APBA1: variants seen among roughly 807,000 people sequenced by gnomAD.
APBA1 encodes the protein amyloid beta precursor protein binding family A member 1.
APBA1 carries 55 observed loss-of-function variants against 86.6 expected under a neutral mutation model. That is an observed-to-expected ratio of 0.64 (90% CI 0.51 to 0.80). APBA1 has a LOEUF of 0.80. Ranked by LOEUF, APBA1 falls within the 30% of genes least tolerant of loss-of-function variation. The probability of loss-of-function intolerance (pLI) is 0.00; values close to 1 mark genes in which losing one functional copy is unlikely to be tolerated. For synonymous variants in APBA1, 511 were observed against 493.9 expected (o/e 1.03, Z -0.46); for missense variants, 1,090 against 1,183.0 (o/e 0.92, Z 1.15).
At chr9:69,583,246 C>T (rs1281470317) in intron 1 of APBA1, among the ~76,000 whole-genome samples, 1 of 152,166 alleles carries the variant, frequency 6.6e-6, no homozygotes, top group Non-Finnish European at 1.5e-5. Flanking sequence ...CCACCCAGTC[C>T]ACCACCACTG....
At chr9:69,475,187 G>A (rs1321739465) in intron 3 of APBA1, among the ~76,000 whole-genome samples, 1 of 152,190 alleles carries the variant, frequency 6.6e-6, no homozygotes, top group Non-Finnish European at 1.5e-5. Flanking sequence ...ACACCTCAAT[G>A]GGAGAAAGCA....
chr9:69,530,253 C>T (rs1836403977), intron 1 of APBA1, among the ~76,000 whole-genome samples: 1 of 150,558 alleles, frequency 6.6e-6, no homozygotes, highest in African/African-American at 2.4e-5. Flanking sequence ...GTTATGGAAT[C>T]AACCCAAGTG....
At chr9:69,618,032 C>T (rs930856097) in intron 1 of APBA1, among the ~76,000 whole-genome samples, 1 of 152,160 alleles carries the variant, frequency 6.6e-6, no homozygotes, top group African/African-American at 2.4e-5. Flanking sequence ...ACTTTAATTG[C>T]TTGGTAATGT....
intron 3 of APBA1, among the ~76,000 whole-genome samples, chr9:69,474,781 T>C (rs1835416647): frequency 6.6e-6 from 1 of 152,246 alleles, no homozygotes; most frequent in South Asian, 2.1e-4. Context: ...AAAAAATACT[T>C]TTCCTTTGTG....
intron 1 of APBA1, among the ~76,000 whole-genome samples, chr9:69,539,812 G>A (rs1444063336): frequency 2.6e-5 from 4 of 152,084 alleles, no homozygotes; most frequent in Non-Finnish European, 4.4e-5. Context: ...TCTTCTGCAT[G>A]TGTCTGCTTA....
At chr9:69,439,344 A>G (rs1588282935) in intron 11 of APBA1, among the ~76,000 whole-genome samples, 2 of 149,982 alleles carry the variant, frequency 1.3e-5, no homozygotes, top group South Asian at 4.3e-4. Flanking sequence ...GATTGGGGAA[A>G]TTCTCCTGGA....
intron 1 of APBA1, among the ~76,000 whole-genome samples, chr9:69,635,339 C>T (rs191912185): frequency 1.3e-5 from 2 of 151,626 alleles, no homozygotes; most frequent in Non-Finnish European, 2.9e-5. Context: ...TCATGGTAAC[C>T]CCAAATCAAA....
intron 10 of APBA1, among the ~76,000 whole-genome samples, chr9:69,442,842 A>G (rs1834847740): frequency 6.6e-6 from 1 of 152,166 alleles, no homozygotes; most frequent in African/African-American, 2.4e-5. Context: ...GAAGACATAG[A>G]CACAGATTGC....
intron 1 of APBA1, among the ~76,000 whole-genome samples, chr9:69,663,224 T>C (rs1823785238): frequency 6.6e-6 from 1 of 152,214 alleles, no homozygotes. Context: ...AGGACAAGTA[T>C]TGTTGAGTGA....
intron 1 of APBA1, among the ~76,000 whole-genome samples, chr9:69,638,968 G>A (rs140374644): frequency 2.0e-5 from 3 of 152,092 alleles, no homozygotes; most frequent in Non-Finnish European, 4.4e-5. Context: ...CAGGGACAGA[G>A]CTTCTCAAAA....
At chr9:69,633,529 T>C (rs1823093518) in intron 1 of APBA1, among the ~76,000 whole-genome samples, 1 of 152,214 alleles carries the variant, frequency 6.6e-6, no homozygotes. Context: ...TCTAATCTTC[T>C]CAGTATTTGC....
At chr9:69,571,899 G>A (rs556098523) in intron 1 of APBA1, among the ~76,000 whole-genome samples, 2 of 152,214 alleles carry the variant, frequency 1.3e-5, no homozygotes, top group Non-Finnish European at 2.9e-5. Flanking sequence ...GACCTCTGCC[G>A]ACTGCTGCAA....
At chr9:69,587,880 G>T (rs1822051847) in intron 1 of APBA1, among the ~76,000 whole-genome samples, 1 of 152,010 alleles carries the variant, frequency 6.6e-6, no homozygotes, top group East Asian at 1.9e-4. Context: ...CAAAAAGTTA[G>T]CTGGGCATGG....
chr9:69,593,281 T>C (rs1040518573), intron 1 of APBA1, among the ~76,000 whole-genome samples: 6 of 152,240 alleles, frequency 3.9e-5, no homozygotes, highest in African/African-American at 9.6e-5. Flanking sequence ...TGTCTAGTTA[T>C]TTATAATCTC....
chr9:69,658,285 TCTCTCTC>T (rs1564104918), intron 1 of APBA1, among the ~76,000 whole-genome samples: 13 of 32,388 alleles, frequency 4.0e-4, no homozygotes, highest in East Asian at 1.5e-3. Flanking sequence ...TCTTTCTTTC[TCTCTCTC>T]TTTCTCTCTC....
intron 1 of APBA1, among the ~76,000 whole-genome samples, chr9:69,668,570 T>C (rs1265270851): frequency 6.6e-6 from 1 of 152,222 alleles, no homozygotes; most frequent in African/African-American, 2.4e-5. Context: ...CAAAGCACAG[T>C]TCTGATACTG....
At chr9:69,519,298 G>A (rs1446463161) in intron 1 of APBA1, among the ~76,000 whole-genome samples, 1 of 152,234 alleles carries the variant, frequency 6.6e-6, no homozygotes, top group Non-Finnish European at 1.5e-5. Flanking sequence ...CTTTGCATGT[G>A]CAGTTCACAA....
chr9:69,670,310 G>T (rs1190416914), intron 1 of APBA1, among the ~76,000 whole-genome samples: 2 of 152,034 alleles, frequency 1.3e-5, no homozygotes, highest in Non-Finnish European at 2.9e-5. Flanking sequence ...GCCCATAAAA[G>T]AAAGCAAAAC....
intron 2 of APBA1, among the ~76,000 whole-genome samples, chr9:69,512,272 TGA>T (rs933857435): frequency 6.6e-6 from 1 of 152,200 alleles, no homozygotes; most frequent in African/African-American, 2.4e-5. Flanking sequence ...CTCTCAGTGC[TGA>T]GAGAGTGTTC....
Sources: allele counts gnomAD v4.1 joint callset (sites outside exome capture counted in the v4.1 genomes callset), GRCh38; gene constraint gnomAD v4.1.1; transcripts MANE v1.5; gene names NCBI Gene and HGNC (gene_info 2026-07-23, HGNC 2026-07-21).